Variants in SLCO4A1 observed in about 807,000 individuals in gnomAD.
SLCO4A1 encodes solute carrier organic anion transporter family member 4A1, also known as colon organic anion transporter.
A neutral mutation model predicts 64.6 loss-of-function variants in SLCO4A1; 51 were observed. That is an observed-to-expected ratio of 0.79 (90% confidence interval 0.63 to 1.00). The LOEUF is 1.00. Among genes scored for constraint, SLCO4A1 ranks in the 50% least tolerant of loss-of-function variants. The pLI is 0.00. For synonymous variants in SLCO4A1, 471 were observed against 444.9 expected (o/e 1.06, Z -0.74); for missense variants, 919 against 980.5 (o/e 0.94, Z 0.84).
chr20:62,647,942 C>T (rs941085559), intron 1 of SLCO4A1, among the ~76,000 whole-genome samples: 1 of 152,246 alleles, frequency 6.6e-6, no homozygotes, highest in Non-Finnish European at 1.5e-5. Flanking sequence ...GGAGATGCAG[C>T]TGACTGACCA....
downstream of SLCO4A1, among the ~76,000 whole-genome samples, chr20:62,686,687 T>C (rs921635784): frequency 1.3e-5 from 2 of 152,236 alleles, no homozygotes; most frequent in African/African-American, 4.8e-5. Context: ...TTAGCCATGG[T>C]TGGCCCTTTA....
At chr20:62,677,163 G>T (rs1157560772), downstream of SLCO4A1, among the ~76,000 whole-genome samples, 3 of 152,224 alleles carry the variant, frequency 2.0e-5, no homozygotes, top group Non-Finnish European at 2.9e-5. Flanking sequence ...CGACTGTCAT[G>T]GGTGCAGGGC....
intron 1 of SLCO4A1, 31 bp downstream of exon 1, chr20:62,642,584 G>C (rs1980547085): frequency 1.0e-5 from 2 of 190,948 alleles, no homozygotes; most frequent in Non-Finnish European, 2.2e-5. Context: ...GAGCTGGCGC[G>C]GGTGCACAGG....
At chr20:62,653,513 T>C (rs1199330441) in intron 1 of SLCO4A1, among the ~76,000 whole-genome samples, 1 of 152,268 alleles carries the variant, frequency 6.6e-6, no homozygotes, top group East Asian at 1.9e-4. Flanking sequence ...TCTGTCAGCA[T>C]AGGCCTGTCC....
intron 6 of SLCO4A1, 118 bp downstream of exon 6, chr20:62,665,206 C>G (rs1041467319): frequency 8.6e-7 from 1 of 1,163,100 alleles, no homozygotes; most frequent in African/African-American, 1.5e-5. Context: ...TGCCCTCCCA[C>G]CCCCGCTGCC....
chr20:62,660,941 A>C, intron 4 of SLCO4A1, 123 bp from the exon 5 acceptor site: 1 of 680,240 alleles, frequency 1.5e-6, no homozygotes. Flanking sequence ...GGCTGCAGGG[A>C]TGTCAGACAG....
downstream of SLCO4A1, among the ~76,000 whole-genome samples, chr20:62,677,209 TA>T (rs1987636714): frequency 6.6e-6 from 1 of 152,208 alleles, no homozygotes; most frequent in Non-Finnish European, 1.5e-5. Context: ...TGGAGTTAGA[TA>T]ACGGTGATGG....
chr20:62,667,827 T>C lies in SLCO4A1; in HGVS notation c.1555T>C (p.Cys519Arg). The change falls in exon 8 of 12, where the codon TGC becomes CGC. Residue 519 changes from cysteine (C) to arginine (R), a missense_variant. Coordinates refer to ENST00000217159, the MANE Select transcript of SLCO4A1 (RefSeq NM_016354.4). Reference protein sequence around the residue: ...SCQPEHYSPVCGSDGLMYFSL... With the variant: ...SCQPEHYSPVRGSDGLMYFSL... ...CCAGCCAGAACACTACAGCCCTGTG[T>C]GCGGCTCGGACGGCCTCATGTACTT... The C allele has an allele frequency of 6.2e-7, 1 of 1,613,352 alleles. No individual in the cohort carries two copies. The highest frequency in any genetic ancestry group is 8.5e-7 in the Non-Finnish European group (1 of 1,180,024).
rs1984846235 is a variant in SLCO4A1, at chr20:62,661,434, C to T, written c.1121+259C>T. Among the ~76,000 whole-genome samples, 1 of 152,130 alleles carries T rather than the reference C, an allele frequency of 6.6e-6. No homozygotes were observed. The highest frequency in any genetic ancestry group is 1.5e-5 in the Non-Finnish European group (1 of 67,998). The stretch of plus-strand genomic sequence containing the variant: ...TCGGCCCGCACCCAGGGAGCCATCA[C>T]TTCACTCATACAGTGTGGAGACTCC... On this transcript the variant is annotated intron_variant, in intron 5 of 11. Coordinates refer to ENST00000217159, the MANE Select transcript of SLCO4A1 (RefSeq NM_016354.4). The surrounding 1 kb of genome is among the most constrained non-coding windows in gnomAD (Gnocchi z 5.2).
At chr20:62,662,359 C>T (rs1217354361) in intron 5 of SLCO4A1, among the ~76,000 whole-genome samples, 1 of 152,100 alleles carries the variant, frequency 6.6e-6, no homozygotes, top group Non-Finnish European at 1.5e-5. Flanking sequence ...ACCCTCTCTC[C>T]TCCACCCAGC....
Position 62,661,080 on chromosome 20 carries a change from G to C in SLCO4A1, c.1026G>C (p.Ala342=). 1 of 1,431,208 alleles carries C rather than the reference G, an allele frequency of 7.0e-7. No homozygotes were observed. The highest frequency in any genetic ancestry group is 9.4e-7 in the Non-Finnish European group (1 of 1,063,164). 88.7% of individuals were successfully genotyped at this position (1,431,208 alleles called of 1,614,324 possible). The change falls in exon 5 of 12, where the codon GCG becomes GCC. Residue 342 remains alanine (A), a synonymous_variant. Transcript: ENST00000217159. The surrounding 1 kb of genome is among the most constrained non-coding windows in gnomAD (Gnocchi z 5.2). ...CCCTTCCAGGCTCCCAGCGCTACGC[G>C]GTCATGAGAGCGGCGGAAATGCACC... is the stretch of plus-strand genomic sequence containing the variant. ...PRQLPGSQRY[A]VMRAAEMHQL...
At chr20:62,667,689 G>A in intron 7 of SLCO4A1, 56 bp from the exon 8 acceptor site, 1 of 1,548,528 alleles carries the variant, frequency 6.5e-7, no homozygotes, top group South Asian at 1.2e-5. Flanking sequence ...TGTGCCTGCT[G>A]GGCGCCAGCA....
At chr20:62,679,252 C>T (rs1306963400) in intron 2 of SLCO4A1, among the ~76,000 whole-genome samples, 3 of 152,108 alleles carry the variant, frequency 2.0e-5, no homozygotes, top group African/African-American at 2.4e-5. Context: ...CTCTGGGTCA[C>T]GAAGCTATCT....
chr20:62,672,027 C>A lies in SLCO4A1; in HGVS notation c.*134C>A. On this transcript the variant is annotated 3_prime_UTR_variant, in exon 12 of 12. Transcript: ENST00000217159. The stretch of plus-strand genomic sequence containing the variant: ...TTCTACTTAACCTGTGGTTTAAAGT[C>A]GGCTGTGACCTCCTGTCCCCAGAGC... 6.4e-7 allele frequency: 1 copy of A among 1,565,302 alleles called. No individual in the cohort carries two copies. Among genetic ancestry groups the A allele is most frequent in the South Asian group, 1.1e-5 (1 of 87,834 alleles).
chr20:62,655,820 C>T (rs17311216), intron 1 of SLCO4A1, among the ~76,000 whole-genome samples: 22,105 of 152,206 alleles, frequency 0.15, 1,726 homozygotes, highest in Admixed American at 0.18. Context: ...TCCTTCCTCA[C>T]GCCAAAGGGT....
intron 6 of SLCO4A1, chr20:62,665,340 C>A (rs1466024124): frequency 1.7e-5 from 8 of 457,280 alleles, no homozygotes; most frequent in African/African-American, 6.0e-5. Context: ...GGCTCCACCC[C>A]CTAGCCACCT....
intron 7 of SLCO4A1, 160 bp downstream of exon 7, chr20:62,666,735 C>G (rs931080658): frequency 1.5e-6 from 1 of 654,560 alleles, no homozygotes; most frequent in South Asian, 1.8e-5. Flanking sequence ...GGGCACCCGG[C>G]AGCATCCACG....
chr20:62,659,558 T>C (rs1984385270), intron 3 of SLCO4A1, among the ~76,000 whole-genome samples: 1 of 152,130 alleles, frequency 6.6e-6, no homozygotes, highest in South Asian at 2.1e-4. Flanking sequence ...GGAGCTCGTG[T>C]CCCGGGTCTG....
At chr20:62,654,113 C>A (rs996032192) in intron 1 of SLCO4A1, among the ~76,000 whole-genome samples, 6 of 152,212 alleles carry the variant, frequency 3.9e-5, no homozygotes, top group Admixed American at 2.6e-4. Context: ...TGTGCTCCCC[C>A]TGGGGCTCTG....
Sources: gnomAD v4.1 joint callset for allele counts (sites outside exome capture counted in the v4.1 genomes callset) on GRCh38, gnomAD v4.1.1 for gene constraint, Gnocchi (gnomAD v3.1) non-coding constraint, MANE v1.5 for transcripts, NCBI Gene and HGNC (gene_info 2026-07-23, HGNC 2026-07-21) for gene names.